BPIFA2: variants seen among roughly 807,000 people sequenced by gnomAD.
BPIFA2 encodes the protein BPI fold containing family A member 2.
A neutral mutation model predicts 25.7 loss-of-function variants in BPIFA2; 20 were observed. The observed-to-expected ratio is 0.78, with a 90% confidence interval of 0.55 to 1.13. The LOEUF is 1.13. Among genes scored for constraint, BPIFA2 ranks in the 50% most tolerant of loss-of-function variants. The pLI is 0.00. For missense variants in BPIFA2, 300 were observed against 298.1 expected, an observed-to-expected ratio of 1.01 and a Z score of -0.05; for synonymous variants, 126 against 124.3, an observed-to-expected ratio of 1.01 and a Z score of -0.09.
intron 2 of BPIFA2, among the ~76,000 whole-genome samples, chr20:33,171,829 G>A (rs1600598737): frequency 1.3e-5 from 2 of 152,318 alleles, no homozygotes; most frequent in East Asian, 3.9e-4. Flanking sequence ...AGACAGTGTG[G>A]TGATTCCTCA....
chr20:33,170,356 T>G (rs1344364958), intron 2 of BPIFA2, among the ~76,000 whole-genome samples: 1 of 152,204 alleles, frequency 6.6e-6, no homozygotes, highest in Non-Finnish European at 1.5e-5. Context: ...TCACTTGAAT[T>G]ATTTTCTTCT....
intron 1 of BPIFA2, among the ~76,000 whole-genome samples, chr20:33,162,721 G>A (rs978474895): frequency 7.2e-5 from 11 of 152,328 alleles, no homozygotes; most frequent in African/African-American, 2.6e-4. Flanking sequence ...GCAGGGTTAG[G>A]ACCCAAATTG....
intron 2 of BPIFA2, among the ~76,000 whole-genome samples, chr20:33,172,186 G>T (rs1335680451): frequency 6.6e-6 from 1 of 151,602 alleles, no homozygotes; most frequent in Non-Finnish European, 1.5e-5. Context: ...GGAGTTTAAT[G>T]ATGAGAACAC....
chr20:33,174,008 C>T lies in BPIFA2; in HGVS notation c.303-71C>T. 5 of 1,279,772 alleles carry T rather than the reference C, an allele frequency of 3.9e-6. No individual in the cohort carries two copies. In the Admixed American group the frequency reaches 8.4e-5, roughly 22 times the overall value. 79.3% of individuals were successfully genotyped at this position (1,279,772 alleles called of 1,614,324 possible). A position where few individuals can be genotyped will look rare whatever the true frequency, so the allele number is the denominator to read the frequency against. ...CGAGACCCAAACGCTCAGCTCGAGG[C>T]TGGCCCAGGGAAGTGGTTGGCAAGT... On this transcript the variant is annotated intron_variant, in intron 3 of 8. Transcript: ENST00000354932.
intron 4 of BPIFA2, 117 bp downstream of exon 4, chr20:33,174,303 CCAA>C: frequency 2.3e-6 from 2 of 860,814 alleles, no homozygotes; most frequent in Admixed American, 3.8e-5. Context: ...CCTCAGTTTC[CCAA>C]TCTGTGAGTG....
chr20:33,176,141 C>T (rs879673572), intron 5 of BPIFA2, among the ~76,000 whole-genome samples: 2 of 148,920 alleles, frequency 1.3e-5, no homozygotes, highest in African/African-American at 2.6e-5. Context: ...GTGCCTGCCA[C>T]GGGCTCTAAT....
rs1046193324 is a variant in BPIFA2 at position 33,172,856 on chromosome 20, G to T, written c.158-76G>T. 1.7e-5 allele frequency: 26 copies of T among 1,492,786 alleles called. 1 individual carries two copies. The highest frequency in any genetic ancestry group is 2.1e-5 in the Non-Finnish European group (23 of 1,098,184). 92.5% of individuals were successfully genotyped at this position (1,492,786 alleles called of 1,614,324 possible). Reference sequence around the variant, plus strand: ...TTAAATGAAATAACATAGGCAAACAGTCTTACCCGGTACCTGGAGCATCGT... The same window carrying T: ...TTAAATGAAATAACATAGGCAAACATTCTTACCCGGTACCTGGAGCATCGT... On this transcript the variant is annotated intron_variant, in intron 2 of 8. Coordinates refer to ENST00000354932, the MANE Select transcript of BPIFA2 (RefSeq NM_080574.4).
chr20:33,173,790 C>T (rs1983982177), intron 3 of BPIFA2, among the ~76,000 whole-genome samples: 1 of 152,210 alleles, frequency 6.6e-6, no homozygotes, highest in Non-Finnish European at 1.5e-5. Flanking sequence ...AGGCGTGAGT[C>T]ACCGTGCCCG....
At chr20:33,166,569 G>C (rs1358824142), upstream of BPIFA2, among the ~76,000 whole-genome samples, 1 of 152,188 alleles carries the variant, frequency 6.6e-6, no homozygotes, top group East Asian at 1.9e-4. Context: ...TAAAGAGCCT[G>C]AGGCTCAGCA....
Position 33,180,603 on chromosome 20 carries a change from G to A in BPIFA2, c.*37+6G>A, listed in dbSNP as rs761710906. 1 of 1,587,018 alleles carries A rather than the reference G, an allele frequency of 6.3e-7. No individual in the cohort carries two copies. The highest frequency in any genetic ancestry group is 1.1e-5 in the South Asian group (1 of 90,476). On this transcript the variant is annotated splice_donor_region_variant and intron_variant, in intron 8 of 8. Coordinates refer to ENST00000354932, the MANE Select transcript of BPIFA2 (RefSeq NM_080574.4). ...GACCACTGTGGTGCATGCTGGTGAGGAGCCAGTCTCTGTGCCCCAATGCAC... is the reference window on the plus strand; with the variant it reads ...GACCACTGTGGTGCATGCTGGTGAGAAGCCAGTCTCTGTGCCCCAATGCAC...
At chr20:33,171,346 T>G (rs1983891148) in intron 2 of BPIFA2, among the ~76,000 whole-genome samples, 1 of 152,194 alleles carries the variant, frequency 6.6e-6, no homozygotes, top group Non-Finnish European at 1.5e-5. Context: ...ATTTTCATGA[T>G]ATTGTTTCTT....
At chr20:33,175,902 C>A (rs1984061153) in intron 5 of BPIFA2, among the ~76,000 whole-genome samples, 2 of 152,116 alleles carry the variant, frequency 1.3e-5, no homozygotes, top group South Asian at 4.2e-4. Flanking sequence ...GAGTGTTGAG[C>A]TCCCCACCAT....
Position 33,172,983 on chromosome 20 carries a change from C to G in BPIFA2, c.209C>G (p.Ala70Gly). ...CTAGGAGTGCTTCAGAAATCCAGTGCTTGGCAACTGGCCAAGCAGAAGGCC... is the reference window on the plus strand; with the variant it reads ...CTAGGAGTGCTTCAGAAATCCAGTGGTTGGCAACTGGCCAAGCAGAAGGCC... ...VDLGVLQKSS[A>G]WQLAKQKAQE... Residue 70 changes from alanine (A) to glycine (G), a missense_variant, in exon 3 of 9, where the codon GCT becomes GGT. Coordinates refer to ENST00000354932, the MANE Select transcript of BPIFA2 (RefSeq NM_080574.4). 6.2e-6 allele frequency: 10 copies of G among 1,614,056 alleles called. No homozygotes were observed. The highest frequency in any genetic ancestry group is 8.5e-6 in the Non-Finnish European group (10 of 1,179,990).
chr20:33,164,203 T>C (rs142990997), upstream of BPIFA2, among the ~76,000 whole-genome samples: 2 of 152,230 alleles, frequency 1.3e-5, no homozygotes, highest in East Asian at 3.9e-4. Flanking sequence ...GTAAAGTGAA[T>C]GAACAATAAA....
At chr20:33,172,840 A>G in intron 2 of BPIFA2, 92 bp from the exon 3 acceptor site, 1 of 1,367,246 alleles carries the variant, frequency 7.3e-7, no homozygotes, top group South Asian at 1.4e-5. Flanking sequence ...ATTAAATGAA[A>G]TAACATAGGC....
Position 33,174,079 on chromosome 20 carries a change from G to A in BPIFA2, c.303G>A (p.Gly101=), listed in dbSNP as rs61734343. ...AGGGTGAATTGTGGGTTTCACACAG[G>A]TTGAAAATCAGCAACTCCCTCATCC... is the stretch of plus-strand genomic sequence containing the variant. ...KLLPTNTDIF[G]LKISNSLILD... Residue 101 remains glycine, a splice_region_variant and synonymous_variant, in exon 4 of 9, where the codon GGG becomes GGA. Transcript: ENST00000354932. 9.1e-4 allele frequency: 1,468 copies of A among 1,613,716 alleles called. 27 individuals are homozygous for A. In the East Asian group the frequency reaches 0.028, roughly 31 times the overall value.
At chr20:33,171,695 C>G (rs1385665200) in intron 2 of BPIFA2, among the ~76,000 whole-genome samples, 1 of 152,202 alleles carries the variant, frequency 6.6e-6, no homozygotes, top group African/African-American at 2.4e-5. Context: ...GAGATACCAT[C>G]TCACACCAGT....
intron 5 of BPIFA2, among the ~76,000 whole-genome samples, chr20:33,177,490 C>T (rs917302060): frequency 5.3e-5 from 8 of 152,164 alleles, no homozygotes; most frequent in African/African-American, 1.2e-4. Flanking sequence ...GCTAAGCTGC[C>T]GTGGATCTGT....
At position 33,172,927 on chromosome 20, in the gene BPIFA2, G is replaced by T. The variant is rs762415567; in HGVS notation, c.158-5G>T. On this transcript the variant is annotated splice_polypyrimidine_tract_variant and splice_region_variant and intron_variant, in intron 2 of 8. Transcript: ENST00000354932. The stretch of plus-strand genomic sequence containing the variant: ...GTGACACAAAATGGCGATTGTTTTT[G>T]GCAGGCATCCTTGAGAAACTGAAGG... 6.2e-7 allele frequency: 1 copy of T among 1,611,282 alleles called. No homozygotes were observed. The highest frequency in any genetic ancestry group is 1.7e-5 in the Admixed American group (1 of 59,456).
Sources: gnomAD v4.1 joint callset for allele counts (sites outside exome capture counted in the v4.1 genomes callset) on GRCh38, gnomAD v4.1.1 for gene constraint, MANE v1.5 for transcripts, NCBI Gene and HGNC (gene_info 2026-07-23, HGNC 2026-07-21) for gene names.